Variants in NAGPA observed in about 807,000 individuals in gnomAD.
NAGPA encodes the protein alpha-N-acetylglucosaminyl phosphodiesterase.
NAGPA carries 56 observed loss-of-function variants against 48.5 expected under a neutral mutation model. The ratio of observed to expected loss-of-function variants is 1.15; its 90% confidence interval spans 0.93 to 1.44. The LOEUF (loss-of-function observed/expected upper bound fraction) is 1.44. Ranked by LOEUF, NAGPA falls within the 40% of genes most tolerant of loss-of-function variation. NAGPA has a pLI of 0.00. For missense variants in NAGPA, 888 were observed against 735.0 expected, an observed-to-expected ratio of 1.21 and a Z score of -2.41; for synonymous variants, 399 against 315.5, an observed-to-expected ratio of 1.26 and a Z score of -2.81.
intron 3 of NAGPA, 175 bp from the exon 4 acceptor site, chr16:5,030,668 G>C (rs1314796333): frequency 3.0e-6 from 2 of 674,428 alleles, no homozygotes; most frequent in East Asian, 2.7e-5. Flanking sequence ...GGCAGCCGGG[G>C]GGTCTCTTCT....
chr16:5,027,721 C>A, intron 7 of NAGPA, 125 bp downstream of exon 7: 1 of 1,389,070 alleles, frequency 7.2e-7, no homozygotes, highest in Non-Finnish European at 9.9e-7. Flanking sequence ...GCAGGTGAGG[C>A]CGGGGCAGAA....
chr16:5,027,954 G>C, intron 6 of NAGPA, 26 bp downstream of exon 6: 1 of 1,613,792 alleles, frequency 6.2e-7, no homozygotes, highest in Non-Finnish European at 8.5e-7. Context: ...GCTGGGCAGA[G>C]CCCCCTCCCC....
chr16:5,031,646 T>C, intron 3 of NAGPA, 99 bp downstream of exon 3: 1 of 1,518,682 alleles, frequency 6.6e-7, no homozygotes, highest in Non-Finnish European at 9.1e-7. Flanking sequence ...GGGCACAAAG[T>C]AGCTGCTCAA....
At position 5,027,954 on chromosome 16, in the gene NAGPA, G is replaced by A. The variant is rs757374203; in HGVS notation, c.1126+26C>T. 12 of 1,613,678 alleles carry A rather than the reference G, an allele frequency of 7.4e-6. No individual in the cohort carries two copies. In the Admixed American group the frequency reaches 1.7e-4, roughly 22 times the overall value. On this transcript the variant is annotated intron_variant, in intron 6 of 9. Transcript: ENST00000312251. ...CTAGGGCAAGGCAGGGCTGGGCAGA[G>A]CCCCCTCCCCAGAACCCCCACTCAC...
rs1955976696 is a variant in NAGPA, at chr16:5,025,364, AG to A, written c.*113del. 1 of 1,309,036 alleles carries A rather than the reference AG, an allele frequency of 7.6e-7. No homozygotes were observed. Among genetic ancestry groups the A allele is most frequent in the East Asian group, 2.3e-5 (1 of 43,162 alleles). 81.1% of individuals were successfully genotyped at this position (1,309,036 alleles called of 1,614,324 possible). A position where few individuals can be genotyped will look rare whatever the true frequency, so the allele number is the denominator to read the frequency against. Reference sequence around the variant, plus strand: ...GCTATCAGGAACTTGGCTGCCCCACAGGGGCTGAGGACACCCAGATGGTCCA... The same window carrying A: ...GCTATCAGGAACTTGGCTGCCCCACAGGGCTGAGGACACCCAGATGGTCCA... On this transcript the variant is annotated 3_prime_UTR_variant, in exon 10 of 10. Coordinates refer to ENST00000312251, the MANE Select transcript of NAGPA (RefSeq NM_016256.4).
intron 7 of NAGPA, among the ~76,000 whole-genome samples, chr16:5,027,602 C>T (rs150024022): frequency 3.0e-4 from 45 of 152,320 alleles, no homozygotes; most frequent in Middle Eastern, 6.8e-3. Flanking sequence ...AAGATAAGAC[C>T]GTGCTGGATT....
intron 3 of NAGPA, 158 bp from the exon 4 acceptor site, chr16:5,030,651 TC>T: frequency 2.8e-6 from 2 of 701,782 alleles, no homozygotes; most frequent in South Asian, 1.5e-5. Flanking sequence ...CATCCCAGTC[TC>T]CCCAGGGCAG....
intron 9 of NAGPA, among the ~76,000 whole-genome samples, chr16:5,026,090 G>A (rs1412518198): frequency 6.6e-6 from 1 of 151,810 alleles, no homozygotes; most frequent in Non-Finnish European, 1.5e-5. Context: ...CACCACGCCT[G>A]GCTAATTTTC....
rs1050853417 is a variant in NAGPA, at chr16:5,027,384, G to A, written c.1175-5C>T. 5.6e-6 allele frequency: 9 copies of A among 1,598,622 alleles called. No individual in the cohort carries two copies. The African/African-American group carries it at 7.1e-5, about 13-fold the overall frequency. Reference sequence around the variant, plus strand: ...CATGCCAGCCAAGGGGACACTCTATGGAAAGGAGATGGGAGGAGGGAGGAG... The same window carrying A: ...CATGCCAGCCAAGGGGACACTCTATAGAAAGGAGATGGGAGGAGGGAGGAG... On this transcript the variant is annotated splice_region_variant and splice_polypyrimidine_tract_variant and intron_variant, in intron 7 of 9. Transcript: ENST00000312251.
rs948147681 is a variant in NAGPA at position 5,025,028 on chromosome 16, G to C, written c.*450C>G. ...TCTAGTTGGCAAATCCAGTGATGAG[G>C]TCTGTAGAAAAGGGGTCCCGTGTCA... On this transcript the variant is annotated 3_prime_UTR_variant, in exon 10 of 10. Coordinates refer to ENST00000312251, the MANE Select transcript of NAGPA (RefSeq NM_016256.4). 1 of 196,258 alleles carries C rather than the reference G, an allele frequency of 5.1e-6. No homozygotes were observed. The highest frequency in any genetic ancestry group is 1.1e-5 in the Non-Finnish European group (1 of 93,676). 12.2% of individuals were successfully genotyped at this position (196,258 alleles called of 1,614,324 possible). A position where few individuals can be genotyped will look rare whatever the true frequency, so the allele number is the denominator to read the frequency against.
At chr16:5,032,905 C>G (rs1558558) in intron 2 of NAGPA, 100,373 of 296,168 alleles carry the variant, frequency 0.34, 18,008 homozygotes, top group Middle Eastern at 0.43. Flanking sequence ...ATCACCCTCC[C>G]TAAAATCAAC....
intron 3 of NAGPA, chr16:5,030,753 C>G (rs1172023553): frequency 2.1e-5 from 11 of 534,252 alleles, no homozygotes; most frequent in Non-Finnish European, 3.0e-5. Context: ...GAACAAAATC[C>G]AAAGAGCCAG....
rs371500762 is a variant in NAGPA at position 5,025,613 on chromosome 16, C to G, written c.1413G>C (p.Leu471Phe). Residue 471 changes from leucine (L) to phenylalanine (F), a missense_variant, in exon 10 of 10, where the codon TTG becomes TTC. By Grantham distance (22) the Leu-to-Phe change is conservative (BLOSUM62 0). Coordinates refer to ENST00000312251, the MANE Select transcript of NAGPA (RefSeq NM_016256.4). Reference sequence around the variant, plus strand: ...GGTTCCTCTCTGCTCTGGACAGGAGCAAGGACAGGTTTGCTGCAGTGCTGA... The same window carrying G: ...GGTTCCTCTCTGCTCTGGACAGGAGGAAGGACAGGTTTGCTGCAGTGCTGA... The part of the protein sequence containing the change: ...LLISTAANLS[L>F]LLSRAERNRR... 6.2e-7 allele frequency: 1 copy of G among 1,613,850 alleles called. No homozygotes were observed. The highest frequency in any genetic ancestry group is 1.3e-5 in the African/African-American group (1 of 74,918).
Position 5,033,449 on chromosome 16 carries a change from G to T in NAGPA, c.366C>A (p.Thr122=). The change falls in exon 2 of 10, where the codon ACC becomes ACA. Residue 122 remains threonine, a synonymous_variant. Transcript: ENST00000312251. This position sits in a 1 kb window ranked among gnomAD's most constrained non-coding sequence, Gnocchi z 4.2. ...CGGCCGCCCGCGCCGTCTCCTCCAC[G>T]GTGGCGCGTCGTCTCGCCGCGCAGC... ...PGGCAARRRA[T]VEETARAADC... The T allele has an allele frequency of 6.3e-7, 1 of 1,589,352 alleles. No homozygotes were observed. The highest frequency in any genetic ancestry group is 8.5e-7 in the Non-Finnish European group (1 of 1,175,676).
intron 2 of NAGPA, 110 bp from the exon 3 acceptor site, chr16:5,031,994 C>A: frequency 6.9e-7 from 1 of 1,453,524 alleles, no homozygotes. Flanking sequence ...CCCTCATGCC[C>A]CAGGAACCTC....
rs569027334 is a variant in NAGPA, at chr16:5,028,513, G to A, written c.921-328C>T. ...GCCTCCCAAAGCACTGGGATTCCAG[G>A]CGTGAGCCCCTGTGCCCAGCCCTCT... On this transcript the variant is annotated intron_variant, in intron 5 of 9. Transcript: ENST00000312251. The A allele has an allele frequency of 2.3e-4, 141 of 607,456 alleles. 1 individual carries two copies. Among genetic ancestry groups the A allele is most frequent in the Non-Finnish European group, 3.9e-5 (13 of 332,696 alleles). The allele number at this position is 607,456 out of a possible 1,614,324, so 37.6% of individuals were successfully genotyped here.
At position 5,025,305 on chromosome 16, in the gene NAGPA, G is replaced by T; in HGVS notation, c.*173C>A. The T allele has an allele frequency of 1.3e-6, 1 of 744,968 alleles. No homozygotes were observed. Among genetic ancestry groups the T allele is most frequent in the Non-Finnish European group, 2.3e-6 (1 of 443,710 alleles). 46.1% of individuals were successfully genotyped at this position (744,968 alleles called of 1,614,324 possible). Reference sequence around the variant, plus strand: ...GTATTGCTAGGGTTGCAGGTGCCCTGGCAGGTGGCCAGGTGAGGGGCTGAG... The same window carrying T: ...GTATTGCTAGGGTTGCAGGTGCCCTTGCAGGTGGCCAGGTGAGGGGCTGAG... On this transcript the variant is annotated 3_prime_UTR_variant, in exon 10 of 10. Transcript: ENST00000312251.
intron 4 of NAGPA, chr16:5,029,513 A>G (rs1287425834): frequency 1.8e-5 from 4 of 216,896 alleles, no homozygotes; most frequent in Non-Finnish European, 2.8e-5. Context: ...TTCTTTCCAG[A>G]TAAGAGAAGA....
chr16:5,027,127 G>A lies in NAGPA; in HGVS notation c.1340+8C>T, dbSNP rs370438489. 162 of 1,614,146 alleles carry A rather than the reference G, an allele frequency of 1.0e-4. No individual in the cohort carries two copies. The African/African-American group carries it at 1.8e-3, about 18-fold the overall frequency. Reference sequence around the variant, plus strand: ...CGCCCTGGCCCCAGCTCCCACAGAAGCACCTACCTGGTGAAAAAGGAGAGT... The same window carrying A: ...CGCCCTGGCCCCAGCTCCCACAGAAACACCTACCTGGTGAAAAAGGAGAGT... On this transcript the variant is annotated splice_region_variant and intron_variant, in intron 9 of 9. Coordinates refer to ENST00000312251, the MANE Select transcript of NAGPA (RefSeq NM_016256.4).
Sources: gnomAD v4.1 joint callset for allele counts (sites outside exome capture counted in the v4.1 genomes callset) on GRCh38, gnomAD v4.1.1 for gene constraint, Gnocchi (gnomAD v3.1) non-coding constraint, MANE v1.5 for transcripts, NCBI Gene and HGNC (gene_info 2026-07-23, HGNC 2026-07-21) for gene names.